The following UNC13C variants were observed in gnomAD, a reference collection of about 807,000 sequenced individuals.
UNC13C encodes unc-13 homolog C, also known as protein unc-13 homolog C.
UNC13C carries 174 observed loss-of-function variants against 245.4 expected under a neutral mutation model. The observed-to-expected ratio is 0.71, with a 90% CI of 0.63 to 0.80. The LOEUF (loss-of-function observed/expected upper bound fraction) is 0.80, where lower values mean the gene tolerates loss of function less well. Ranked by LOEUF, UNC13C falls within the 30% of genes least tolerant of loss-of-function variation. The probability of loss-of-function intolerance (pLI) is 0.00; values close to 1 mark genes in which losing one functional copy is unlikely to be tolerated. For synonymous variants in UNC13C, 992 were observed against 895.1 expected, an observed-to-expected ratio of 1.11 and a Z score of -1.93; for missense variants, 2,829 against 2,602.9, an observed-to-expected ratio of 1.09 and a Z score of -1.89.
At chr15:54,246,717 C>T (rs1172229523) in intron 7 of UNC13C, among the ~76,000 whole-genome samples, 1 of 144,512 alleles carries the variant, frequency 6.9e-6, no homozygotes, top group South Asian at 2.2e-4. Flanking sequence ...CACATGGACA[C>T]CTAGAGGGGA....
chr15:54,014,397 C>T lies in UNC13C; in HGVS notation c.1494C>T (p.Ser498=). The T allele has an allele frequency of 1.9e-6, 3 of 1,613,796 alleles. No homozygotes were observed. The highest frequency in any genetic ancestry group is 2.5e-6 in the Non-Finnish European group (3 of 1,179,832). The change falls in exon 2 of 33, where the codon AGC becomes AGT. Residue 498 remains serine (S), a synonymous_variant. Transcript: ENST00000260323. ...SARSKNKTAN[S]SRISNKSDYD... ...GATCCAAGAATAAAACTGCTAATAG[C>T]AGCAGAATTTCAAATAAATCAGATT... is the stretch of plus-strand genomic sequence containing the variant.
chr15:54,570,598 C>T (rs1897710555), intron 30 of UNC13C, among the ~76,000 whole-genome samples: 1 of 152,172 alleles, frequency 6.6e-6, no homozygotes, highest in South Asian at 2.1e-4. Context: ...TTCATTCCCT[C>T]TCTTTTTTTG....
intron 10 of UNC13C, among the ~76,000 whole-genome samples, chr15:54,278,183 A>G (rs1050984541): frequency 1.3e-5 from 2 of 151,988 alleles, no homozygotes; most frequent in Non-Finnish European, 2.9e-5. Flanking sequence ...TTGGCACCCA[A>G]CTCTCTTTTC....
chr15:54,058,431 A>G (rs552703716), intron 2 of UNC13C, among the ~76,000 whole-genome samples: 4 of 152,348 alleles, frequency 2.6e-5, no homozygotes, highest in African/African-American at 9.6e-5. Context: ...GAATTTCTGA[A>G]TAGACCAAAA....
At chr15:54,510,213 TAA>T (rs1421492877) in intron 23 of UNC13C, among the ~76,000 whole-genome samples, 1 of 152,198 alleles carries the variant, frequency 6.6e-6, no homozygotes, top group Non-Finnish European at 1.5e-5. Flanking sequence ...TTTCTCATTA[TAA>T]GTCATTGTTT....
At chr15:53,997,080 C>A (rs1894668849) in intron 1 of UNC13C, among the ~76,000 whole-genome samples, 1 of 151,980 alleles carries the variant, frequency 6.6e-6, no homozygotes, top group South Asian at 2.1e-4. Flanking sequence ...TTTGGTGTAA[C>A]CAGTCTTTAG....
chr15:54,167,673 T>C (rs1331022884), intron 4 of UNC13C, among the ~76,000 whole-genome samples: 1 of 124,008 alleles, frequency 8.1e-6, no homozygotes, highest in Non-Finnish European at 1.7e-5. Flanking sequence ...TACAAAAAAA[T>C]TCAAAATCTA....
chr15:54,132,621 A>G (rs1164206790), intron 2 of UNC13C, among the ~76,000 whole-genome samples: 1 of 152,222 alleles, frequency 6.6e-6, no homozygotes, highest in Non-Finnish European at 1.5e-5. Flanking sequence ...AGCATACAGT[A>G]GGTACTCTGT....
intron 2 of UNC13C, among the ~76,000 whole-genome samples, chr15:54,089,067 C>G (rs899815764): frequency 6.6e-6 from 1 of 152,152 alleles, no homozygotes; most frequent in African/African-American, 2.4e-5. Flanking sequence ...GTCCCTTTTC[C>G]ACCCTTCTCC....
chr15:54,042,850 C>T (rs1254508497), intron 2 of UNC13C, among the ~76,000 whole-genome samples: 13 of 151,472 alleles, frequency 8.6e-5, no homozygotes. Flanking sequence ...GAGACTCTGT[C>T]TCAGAAAAGA....
At chr15:54,211,430 T>C (rs2034873892) in intron 4 of UNC13C, among the ~76,000 whole-genome samples, 1 of 152,108 alleles carries the variant, frequency 6.6e-6, no homozygotes. Flanking sequence ...ACTTGTAGGT[T>C]TTATTCAAGT....
At chr15:54,241,429 T>A (rs2035848468) in intron 7 of UNC13C, among the ~76,000 whole-genome samples, 1 of 152,122 alleles carries the variant, frequency 6.6e-6, no homozygotes. Context: ...CAACCAGAGC[T>A]GTAGGCTTAC....
At chr15:53,861,463 T>C in the UNC13C span, among the ~76,000 whole-genome samples, 9 of 44,670 alleles carry the variant, frequency 2.0e-4, no homozygotes, top group African/African-American at 5.1e-4. Context: ...TTCATTGGAT[T>C]TCTTTCTATC....
At chr15:54,392,906 C>A in intron 17 of UNC13C, 142 bp from the exon 18 acceptor site, 1 of 925,860 alleles carries the variant, frequency 1.1e-6, no homozygotes, top group Non-Finnish European at 1.5e-6. Context: ...GAAAAGAAAC[C>A]TGAGTTTAAC....
chr15:54,200,294 A>G (rs2034482319), intron 4 of UNC13C, among the ~76,000 whole-genome samples: 1 of 152,114 alleles, frequency 6.6e-6, no homozygotes, highest in African/African-American at 2.4e-5. Context: ...CTCAGCAAAG[A>G]AACAATGGAC....
At chr15:54,398,018 C>T (rs1455800447) in intron 18 of UNC13C, among the ~76,000 whole-genome samples, 1 of 151,364 alleles carries the variant, frequency 6.6e-6, no homozygotes, top group Non-Finnish European at 1.5e-5. Context: ...AGCAGACATT[C>T]TTGCCTTATT....
At chr15:53,926,250 AG>A in the UNC13C span, among the ~76,000 whole-genome samples, 12 of 152,232 alleles carry the variant, frequency 7.9e-5, no homozygotes, top group East Asian at 2.1e-3. Context: ...AAGGGAGGGT[AG>A]GTAATTGTGA....
intron 4 of UNC13C, among the ~76,000 whole-genome samples, chr15:54,214,433 A>G (rs2034978158): frequency 6.6e-6 from 1 of 151,964 alleles, no homozygotes; most frequent in Non-Finnish European, 1.5e-5. Context: ...TTGAACTGTG[A>G]AACTATATAA....
chr15:54,569,968 G>T (rs2062099825), intron 30 of UNC13C, among the ~76,000 whole-genome samples: 1 of 151,882 alleles, frequency 6.6e-6, no homozygotes, highest in Non-Finnish European at 1.5e-5. Context: ...AGGCCCAAAG[G>T]ACTTAGTGTA....
Sources: gnomAD v4.1 joint callset for allele counts (sites outside exome capture counted in the v4.1 genomes callset) on GRCh38, gnomAD v4.1.1 for gene constraint, MANE v1.5 for transcripts, NCBI Gene and HGNC (gene_info 2026-07-23, HGNC 2026-07-21) for gene names.